Variants in LRP6 observed in about 807,000 individuals in gnomAD.
LRP6 encodes the protein LDL receptor related protein 6, also known as low-density lipoprotein receptor-related protein 6.
In LRP6, 43 loss-of-function variants were observed where a neutral mutation model predicts 184.1. That is an observed-to-expected ratio of 0.23 (90% confidence interval 0.18 to 0.30). The LOEUF is 0.30. LRP6 is among the 10% of genes least tolerant of loss of function. The pLI, the probability that LRP6 is intolerant of heterozygous loss-of-function variation, is 1.00. For synonymous variants in LRP6, 719 were observed against 684.9 expected, an observed-to-expected ratio of 1.05 and a Z score of -0.78; for missense variants, 1,571 against 2,005.3, an observed-to-expected ratio of 0.78 and a Z score of 4.14.
chr12:12,198,204 A>C (rs1248577949), intron 3 of LRP6, among the ~76,000 whole-genome samples: 1 of 152,210 alleles, frequency 6.6e-6, no homozygotes, highest in Non-Finnish European at 1.5e-5. Context: ...GGCATGAGCC[A>C]CCATGCCCAG....
At chr12:12,248,627 G>A (rs1159811567) in intron 1 of LRP6, among the ~76,000 whole-genome samples, 4 of 150,836 alleles carry the variant, frequency 2.7e-5, no homozygotes, top group African/African-American at 9.7e-5. Flanking sequence ...GACTACAGGC[G>A]CCCGCCACTA....
At chr12:12,218,579 A>T (rs1565665783) in intron 2 of LRP6, among the ~76,000 whole-genome samples, 1 of 152,012 alleles carries the variant, frequency 6.6e-6, no homozygotes, top group Non-Finnish European at 1.5e-5. Context: ...CAAAGCACAG[A>T]ACATGTTCAA....
rs534369694 is a variant in LRP6, at chr12:12,205,217, T to C, written c.450-1817A>G. Reference sequence around the variant, plus strand: ...ATGTAACCCCAGCTACTCAGGAGGCTGAGGCAAGAGAATCGCTTGAATCCA... The same window carrying C: ...ATGTAACCCCAGCTACTCAGGAGGCCGAGGCAAGAGAATCGCTTGAATCCA... On this transcript the variant is annotated intron_variant, in intron 2 of 22. Transcript: ENST00000261349. Among the ~76,000 whole-genome samples the C allele has an allele frequency of 1.9e-4, 28 of 150,016 alleles. No homozygotes were observed. In the South Asian group the frequency reaches 5.7e-3, roughly 30 times the overall value.
intron 12 of LRP6, among the ~76,000 whole-genome samples, chr12:12,152,349 C>T (rs187834935): frequency 2.0e-5 from 3 of 152,124 alleles, no homozygotes; most frequent in Admixed American, 6.5e-5. Flanking sequence ...TGCAGTGGTG[C>T]GATCTCGGCT....
At chr12:12,176,155 C>G (rs1474800432) in intron 7 of LRP6, among the ~76,000 whole-genome samples, 2 of 152,046 alleles carry the variant, frequency 1.3e-5, no homozygotes, top group Non-Finnish European at 2.9e-5. Context: ...TCTGCTAATG[C>G]TTTAGTACTT....
chr12:12,129,741 C>T (rs560723952), intron 19 of LRP6, among the ~76,000 whole-genome samples: 4 of 152,082 alleles, frequency 2.6e-5, no homozygotes, highest in African/African-American at 7.2e-5. Context: ...TTAGTAGAGA[C>T]GGGGTTTCAC....
intron 10 of LRP6, 126 bp downstream of exon 10, chr12:12,162,067 C>A: frequency 5.3e-6 from 4 of 749,676 alleles, no homozygotes; most frequent in South Asian, 1.7e-5. Context: ...AAAAGTTCAT[C>A]TATCATTTAG....
At chr12:12,122,345 T>C (rs1949616892) in intron 22 of LRP6, among the ~76,000 whole-genome samples, 1 of 152,200 alleles carries the variant, frequency 6.6e-6, no homozygotes, top group South Asian at 2.1e-4. Flanking sequence ...CTTAAATTTA[T>C]CCCAAAGATT....
At chr12:12,187,997 G>C (rs1246565159) in intron 3 of LRP6, among the ~76,000 whole-genome samples, 1 of 151,954 alleles carries the variant, frequency 6.6e-6, no homozygotes. Flanking sequence ...GGATCACAAG[G>C]TCAGGAGTTC....
intron 2 of LRP6, among the ~76,000 whole-genome samples, chr12:12,238,236 CAG>C (rs1300357536): frequency 3.8e-5 from 5 of 131,560 alleles, no homozygotes; most frequent in African/African-American, 8.6e-5. Context: ...AAAAAAAAAA[CAG>C]AAAGTGGCTC....
intron 3 of LRP6, among the ~76,000 whole-genome samples, chr12:12,188,862 A>G (rs1319741791): frequency 6.6e-6 from 1 of 152,192 alleles, no homozygotes; most frequent in East Asian, 1.9e-4. Context: ...AGGCCTGTAT[A>G]TTTCACACTA....
At chr12:12,251,590 G>A (rs964186044) in intron 1 of LRP6, among the ~76,000 whole-genome samples, 2 of 151,664 alleles carry the variant, frequency 1.3e-5, no homozygotes, top group African/African-American at 4.8e-5. Context: ...GGATGGTCTC[G>A]ATCTCCTGAC....
intron 1 of LRP6, among the ~76,000 whole-genome samples, chr12:12,265,986 G>A (rs1488385534): frequency 6.6e-6 from 1 of 152,026 alleles, no homozygotes; most frequent in Admixed American, 6.6e-5. Flanking sequence ...CCTACTTAGT[G>A]CCAACTGTAC....
intron 1 of LRP6, among the ~76,000 whole-genome samples, chr12:12,263,017 G>T (rs1161552805): frequency 6.6e-6 from 1 of 151,454 alleles, no homozygotes; most frequent in Admixed American, 6.6e-5. Flanking sequence ...ACTTTGGGAG[G>T]CCGAGATGGG....
At chr12:12,164,745 G>C (rs1311195438) in intron 8 of LRP6, among the ~76,000 whole-genome samples, 183 bp from the exon 9 acceptor site, 1 of 151,770 alleles carries the variant, frequency 6.6e-6, no homozygotes, top group Non-Finnish European at 1.5e-5. Flanking sequence ...GGGAGTAAAA[G>C]CATGGTGAAG....
intron 9 of LRP6, 148 bp downstream of exon 9, chr12:12,164,125 G>GT: frequency 2.1e-5 from 14 of 653,106 alleles, no homozygotes; most frequent in African/African-American, 1.6e-4. Context: ...GCAAGACACC[G>GT]TTTAAAAAAA....
chr12:12,154,954 G>A (rs972118381), intron 12 of LRP6, among the ~76,000 whole-genome samples: 1 of 152,164 alleles, frequency 6.6e-6, no homozygotes, highest in African/African-American at 2.4e-5. Context: ...CCAGCATCTT[G>A]GGAGGCCAAG....
intron 19 of LRP6, among the ~76,000 whole-genome samples, chr12:12,128,055 C>G (rs1418999248): frequency 6.6e-6 from 1 of 152,222 alleles, no homozygotes. Flanking sequence ...TTTACATTCA[C>G]TACCCTCAAT....
rs572521497 is a variant in LRP6 at position 12,264,087 on chromosome 12, G to A, written c.55+2594C>T. ...GCCCAAGACTTTGAGACTGCAATGA[G>A]CTGTGATTACACCACTGCACCCCAG... On this transcript the variant is annotated intron_variant, in intron 1 of 22. Transcript: ENST00000261349. 9.9e-5 allele frequency among the ~76,000 whole-genome samples: 15 copies of A among 151,922 alleles called. No homozygotes were observed. In the South Asian group the frequency reaches 2.3e-3, roughly 23 times the overall value.
Sources: allele counts gnomAD v4.1 joint callset (sites outside exome capture counted in the v4.1 genomes callset), GRCh38; gene constraint gnomAD v4.1.1; transcripts MANE v1.5; gene names NCBI Gene and HGNC (gene_info 2026-07-23, HGNC 2026-07-21).